DPP10: variants seen among roughly 807,000 people sequenced by gnomAD.
DPP10 encodes inactive dipeptidyl peptidase 10.
DPP10 carries 33 observed loss-of-function variants against 120.9 expected under a neutral mutation model. The ratio of observed to expected loss-of-function variants is 0.27; its 90% CI spans 0.21 to 0.37. The LOEUF is 0.37. Among genes scored for constraint, DPP10 ranks in the 10% least tolerant of loss-of-function variants. The pLI is 1.00. For missense variants in DPP10, 816 were observed against 942.8 expected (o/e 0.87, Z 1.76); for synonymous variants, 337 against 326.1 (o/e 1.03, Z -0.36).
intron 1 of DPP10, among the ~76,000 whole-genome samples, chr2:114,755,463 T>A (rs1159361986): frequency 2.0e-5 from 3 of 151,980 alleles, no homozygotes; most frequent in Admixed American, 6.5e-5. Flanking sequence ...CCGGCAACTA[T>A]CAGTATTGTT....
At chr2:115,059,499 C>T (rs989086617) in intron 1 of DPP10, among the ~76,000 whole-genome samples, 3 of 151,942 alleles carry the variant, frequency 2.0e-5, no homozygotes, top group Non-Finnish European at 4.4e-5. Context: ...TTTGTAGACA[C>T]ATGGTATGCT....
chr2:114,682,848 T>A (rs1055999740), intron 1 of DPP10, among the ~76,000 whole-genome samples: 5 of 151,640 alleles, frequency 3.3e-5, no homozygotes, highest in Non-Finnish European at 5.9e-5. Flanking sequence ...AGATTTAATA[T>A]CTCCAATTAC....
intron 1 of DPP10, among the ~76,000 whole-genome samples, chr2:114,627,816 T>C (rs891793591): frequency 1.3e-5 from 2 of 152,150 alleles, no homozygotes; most frequent in Non-Finnish European, 2.9e-5. Flanking sequence ...AACCTGGGGC[T>C]GTTAGGATGC....
rs66716319 is a variant in DPP10, at chr2:114,532,256, C to CATATATAT, written c.60+89452_60+89459dup. Among the ~76,000 whole-genome samples the CATATATAT allele has an allele frequency of 6.7e-3, 575 of 85,664 alleles. 10 individuals are homozygous for CATATATAT. The highest frequency in any genetic ancestry group is 7.8e-3 in the Non-Finnish European group (354 of 45,472). The allele number at this position is 85,664 out of a possible 152,430, so 56.2% of individuals were successfully genotyped here. On this transcript the variant is annotated intron_variant, in intron 1 of 25. Transcript: ENST00000410059. ...CGAGCCAATTCCCATAATAAATCTC[C>CATATATAT]ATATATATATATATATATATATATA... is the stretch of plus-strand genomic sequence containing the variant.
At chr2:114,816,246 C>T (rs1297711167) in intron 1 of DPP10, among the ~76,000 whole-genome samples, 1 of 152,186 alleles carries the variant, frequency 6.6e-6, no homozygotes, top group Admixed American at 6.5e-5. Context: ...AACTTTCACT[C>T]TAAAAGGCCA....
chr2:115,588,938 GA>G (rs1424101355), intron 5 of DPP10, among the ~76,000 whole-genome samples: 1 of 152,120 alleles, frequency 6.6e-6, no homozygotes, highest in Non-Finnish European at 1.5e-5. Context: ...GATTGTACTG[GA>G]AAAATGTATG....
chr2:115,532,919 T>G (rs2078558730), intron 5 of DPP10, among the ~76,000 whole-genome samples: 1 of 152,048 alleles, frequency 6.6e-6, no homozygotes, highest in Non-Finnish European at 1.5e-5. Context: ...TTGGAATTAT[T>G]GGTCCATTGG....
intron 1 of DPP10, among the ~76,000 whole-genome samples, chr2:114,665,765 T>C (rs534357888): frequency 2.3e-4 from 35 of 152,186 alleles, no homozygotes; most frequent in African/African-American, 7.7e-4. Flanking sequence ...AACAGATCAA[T>C]GAACTGGAGG....
intron 1 of DPP10, among the ~76,000 whole-genome samples, chr2:114,995,952 T>C (rs1238114222): frequency 6.6e-6 from 1 of 152,186 alleles, no homozygotes; most frequent in Non-Finnish European, 1.5e-5. Context: ...GTATAAATAA[T>C]GAAAGTCATG....
intron 1 of DPP10, among the ~76,000 whole-genome samples, chr2:114,903,993 A>G (rs943156859): frequency 1.3e-5 from 2 of 152,226 alleles, no homozygotes; most frequent in South Asian, 2.1e-4. Context: ...TTTTGTTATC[A>G]CCATCTGAGA....
intron 8 of DPP10, among the ~76,000 whole-genome samples, chr2:115,735,961 A>G (rs1676442909): frequency 6.6e-6 from 1 of 152,060 alleles, no homozygotes; most frequent in Non-Finnish European, 1.5e-5. Context: ...CACAGCAAAC[A>G]TATTTTTATT....
At chr2:115,841,009 T>A (rs1488328338) in intron 25 of DPP10, among the ~76,000 whole-genome samples, 186 bp downstream of exon 25, 1 of 152,066 alleles carries the variant, frequency 6.6e-6, no homozygotes, top group African/African-American at 2.4e-5. Context: ...GCTTTACAAG[T>A]GAATTGCATG....
At chr2:115,816,456 A>G (rs17045074) in intron 21 of DPP10, among the ~76,000 whole-genome samples, 1,960 of 152,310 alleles carry the variant, frequency 0.013, 43 homozygotes, top group African/African-American at 0.042. Context: ...AGGCTTAGAA[A>G]CTAGGAAATG....
chr2:115,646,832 T>C (rs995322219), intron 5 of DPP10, among the ~76,000 whole-genome samples: 1 of 152,068 alleles, frequency 6.6e-6, no homozygotes, highest in African/African-American at 2.4e-5. Context: ...AGATCTACCA[T>C]GTTTAGAAGT....
At chr2:114,592,829 C>G (rs1198269484) in intron 1 of DPP10, among the ~76,000 whole-genome samples, 1 of 152,082 alleles carries the variant, frequency 6.6e-6, no homozygotes, top group African/African-American at 2.4e-5. Flanking sequence ...TTATGGTGAA[C>G]ACTTTTACCA....
intron 3 of DPP10, among the ~76,000 whole-genome samples, chr2:115,480,651 C>T (rs1249380895): frequency 6.6e-6 from 1 of 152,024 alleles, no homozygotes; most frequent in Non-Finnish European, 1.5e-5. Flanking sequence ...TGAGGTGAGG[C>T]AGGATCTGCA....
chr2:114,501,781 C>T (rs1573506339), intron 1 of DPP10, among the ~76,000 whole-genome samples: 2 of 151,916 alleles, frequency 1.3e-5, no homozygotes, highest in South Asian at 2.1e-4. Context: ...AGCTGTATCT[C>T]GGGTGTCATA....
chr2:115,766,681 G>A (rs1305122201), intron 12 of DPP10, among the ~76,000 whole-genome samples: 1 of 152,088 alleles, frequency 6.6e-6, no homozygotes, highest in Admixed American at 6.6e-5. Context: ...TCACAGTACT[G>A]CAGGCTGTAC....
At position 115,499,538 on chromosome 2, in the gene DPP10, T is replaced by G. The variant is rs746345806; in HGVS notation, c.300T>G (p.Asn100Lys). The change falls in exon 4 of 26, where the codon AAT becomes AAG. Residue 100 changes from asparagine (N) to lysine (K), a missense_variant. By Grantham distance (94) the Asn-to-Lys change is moderately conservative. This residue lies in a region of DPP10 where 182 missense variants were observed against 207.4 expected (regional missense o/e 0.88). Transcript: ENST00000410059. ...NDTDVVYKSE[N>K]GHVIKLNIET... ...CAGATGTGGTGTATAAAAGCGAGAA[T>G]GGACATGTCATTAAACTGAATATAG... 1 of 1,612,008 alleles carries G rather than the reference T, an allele frequency of 6.2e-7. No individual in the cohort carries two copies. Among genetic ancestry groups the G allele is most frequent in the South Asian group, 1.1e-5 (1 of 90,960 alleles).
Sources: allele counts gnomAD v4.1 joint callset (sites outside exome capture counted in the v4.1 genomes callset), GRCh38; gene constraint gnomAD v4.1.1; regional missense constraint gnomAD v4.1.1; transcripts MANE v1.5; gene names NCBI Gene and HGNC (gene_info 2026-07-23, HGNC 2026-07-21).